The following DNAJC5G variants were observed in gnomAD, a reference collection of about 807,000 sequenced individuals.
The protein encoded by DNAJC5G is DnaJ heat shock protein family (Hsp40) member C5 gamma.
Under a neutral mutation model 19.1 loss-of-function variants are expected in DNAJC5G, and 13 were observed. That is an observed-to-expected ratio of 0.68 (90% CI 0.44 to 1.08). The LOEUF (loss-of-function observed/expected upper bound fraction) is 1.08, where lower values mean the gene tolerates loss of function less well. Ranked by LOEUF, DNAJC5G falls within the 50% of genes least tolerant of loss-of-function variation. The probability of loss-of-function intolerance (pLI) is 0.00; values close to 1 mark genes in which losing one functional copy is unlikely to be tolerated. For synonymous variants in DNAJC5G, 81 were observed against 84.4 expected, an observed-to-expected ratio of 0.96 and a Z score of 0.22; for missense variants, 245 against 230.4, an observed-to-expected ratio of 1.06 and a Z score of -0.41.
chr2:27,278,521 A>G (rs1678218446), intron 5 of DNAJC5G, among the ~76,000 whole-genome samples, 189 bp downstream of exon 5: 1 of 151,480 alleles, frequency 6.6e-6, no homozygotes, highest in Admixed American at 6.6e-5. Context: ...TCTCTACTAA[A>G]AATACAAAAA....
Position 27,278,288 on chromosome 2 carries a change from G to A in DNAJC5G, c.476G>A (p.Gly159Glu). The A allele has an allele frequency of 6.2e-7, 1 of 1,614,166 alleles. No homozygotes were observed. Reference protein sequence around the residue: ...ALKPPPEQDSGRKYQQNVQSQ... With the variant: ...ALKPPPEQDSERKYQQNVQSQ... ...AAACCACCACCTGAGCAGGATAGTG[G>A]GAGAAAATATCAGCAGAATGTCCAG... is the stretch of plus-strand genomic sequence containing the variant. Residue 159 changes from glycine to glutamate, a missense_variant, in exon 5 of 7, where the codon GGG (glycine) becomes GAG (glutamate). Coordinates refer to ENST00000296097, the MANE Select transcript of DNAJC5G (RefSeq NM_173650.3).
chr2:27,280,393 T>G, intron 6 of DNAJC5G, 36 bp from the exon 7 acceptor site: 1 of 654,406 alleles, frequency 1.5e-6, no homozygotes, highest in Non-Finnish European at 2.6e-6. Context: ...AATTATTCCT[T>G]CTGATTAATA....
chr2:27,277,194 G>T (rs563903580), intron 3 of DNAJC5G, among the ~76,000 whole-genome samples: 1 of 151,496 alleles, frequency 6.6e-6, no homozygotes, highest in South Asian at 2.1e-4. Flanking sequence ...TACCTGCCTC[G>T]GCCTCCCAAA....
At chr2:27,277,316 G>A (rs568019519) in intron 3 of DNAJC5G, among the ~76,000 whole-genome samples, 2 of 151,998 alleles carry the variant, frequency 1.3e-5, no homozygotes, top group South Asian at 4.2e-4. Context: ...AAGCTGTAGT[G>A]CAGTGGTGCA....
At position 27,276,227 on chromosome 2, in the gene DNAJC5G, T is replaced by A. The variant is rs1678058777; in HGVS notation, c.-164T>A. ...TGAGCCGAGATCGCGCCATTACACT[T>A]CAGCCTGGGCAACAAGAGCAAAAAA... On this transcript the variant is annotated 5_prime_UTR_variant, in exon 2 of 7. Transcript: ENST00000296097. 6.6e-6 allele frequency: 1 copy of A among 151,058 alleles called. No individual in the cohort carries two copies. The highest frequency in any genetic ancestry group is 1.5e-5 in the Non-Finnish European group (1 of 68,092). The allele number at this position is 151,058 out of a possible 1,614,324, so 9.4% of individuals were successfully genotyped here. A position where few individuals can be genotyped will look rare whatever the true frequency, so the allele number is the denominator to read the frequency against.
chr2:27,278,108 G>GC, intron 4 of DNAJC5G, 80 bp from the exon 5 acceptor site: 1 of 1,609,998 alleles, frequency 6.2e-7, no homozygotes, highest in Non-Finnish European at 8.5e-7. Context: ...TTTTCTGGGT[G>GC]CCAGGAGGAT....
Position 27,280,898 on chromosome 2 carries a change from CTG to C in DNAJC5G, c.*492_*493del, listed in dbSNP as rs1390460870. 9 of 152,378 alleles carry C rather than the reference CTG, an allele frequency of 5.9e-5. No homozygotes were observed. Among genetic ancestry groups the C allele is most frequent in the Admixed American group, 5.9e-4 (9 of 15,266 alleles). The allele number at this position is 152,378 out of a possible 1,614,324, so 9.4% of individuals were successfully genotyped here. A position where few individuals can be genotyped will look rare whatever the true frequency, so the allele number is the denominator to read the frequency against. On this transcript the variant is annotated 3_prime_UTR_variant, in exon 7 of 7. Transcript: ENST00000296097. The stretch of plus-strand genomic sequence containing the variant: ...CCATTAATTCTCCCTTGTTGCAACT[CTG>C]TGTACCAAGAACCCCTAGCATCAGC...
intron 2 of DNAJC5G, 25 bp from the exon 3 acceptor site, chr2:27,276,701 A>G (rs749116882): frequency 1.3e-5 from 21 of 1,606,184 alleles, no homozygotes; most frequent in Non-Finnish European, 1.7e-5. Context: ...AAGTTCTCAC[A>G]GATGCTGCTT....
Position 27,276,796 on chromosome 2 carries a change from A to C in DNAJC5G, c.68A>C (p.Asp23Ala), listed in dbSNP as rs1241405451. The C allele has an allele frequency of 3.1e-6, 5 of 1,613,946 alleles. No homozygotes were observed. The highest frequency in any genetic ancestry group is 1.7e-5 in the Admixed American group (1 of 59,958). ...KSEMSLYAVLDLKKGASPEDF... is the reference protein window; with the variant it reads ...KSEMSLYAVLALKKGASPEDF... ...GAGATGAGCCTCTATGCAGTGCTGGATCTTAAGAAGGGCGCCTCACCTGAA... is the reference window on the plus strand; with the variant it reads ...GAGATGAGCCTCTATGCAGTGCTGGCTCTTAAGAAGGGCGCCTCACCTGAA... Residue 23 changes from aspartate to alanine, a missense_variant, in exon 3 of 7, where the codon GAT (aspartate) becomes GCT (alanine). By Grantham distance (126) the Asp-to-Ala change is moderately radical. Coordinates refer to ENST00000296097, the MANE Select transcript of DNAJC5G (RefSeq NM_173650.3).
At chr2:27,277,624 C>G in intron 3 of DNAJC5G, 130 bp from the exon 4 acceptor site, 1 of 1,253,014 alleles carries the variant, frequency 8.0e-7, no homozygotes, top group South Asian at 1.4e-5. Context: ...CCATCACCCT[C>G]TTCATTATAG....
In DNAJC5G at chr2:27,276,827, C is replaced by G; in HGVS notation, c.99C>G (p.Phe33Leu). ...DLKKGASPED[F>L]KKSYSHSALL... is the part of the protein sequence containing the mutation. ...AGAAGGGCGCCTCACCTGAAGACTT[C>G]AAAAAATCCTACAGGTTCAGACCTC... Residue 33 changes from phenylalanine (F) to leucine (L), a missense_variant, in exon 3 of 7, where the codon TTC becomes TTG. Phe to Leu is a conservative substitution (Grantham distance 22). Transcript: ENST00000296097. 6.2e-7 allele frequency: 1 copy of G among 1,609,612 alleles called. No individual in the cohort carries two copies. The highest frequency in any genetic ancestry group is 8.5e-7 in the Non-Finnish European group (1 of 1,177,604).
rs1183264407 is a variant in DNAJC5G, at chr2:27,278,123, G to A, written c.376-65G>A. The A allele has an allele frequency of 3.7e-6, 6 of 1,611,062 alleles. No individual in the cohort carries two copies. The African/African-American group carries it at 6.7e-5, about 18-fold the overall frequency. On this transcript the variant is annotated intron_variant, in intron 4 of 6. Transcript: ENST00000296097. ...TTTTCTGGGTGCCAGGAGGATTGAGGGAGGGAAGCTTGAGCAGTCATATAG... is the reference window on the plus strand; with the variant it reads ...TTTTCTGGGTGCCAGGAGGATTGAGAGAGGGAAGCTTGAGCAGTCATATAG...
At chr2:27,280,352 T>C in intron 6 of DNAJC5G, 77 bp from the exon 7 acceptor site, 1 of 842,584 alleles carries the variant, frequency 1.2e-6, no homozygotes, top group Non-Finnish European at 1.9e-6. Flanking sequence ...TTTATATCCT[T>C]ACATGTAGGG....
At chr2:27,276,699 A>G (rs1442118854) in intron 2 of DNAJC5G, 27 bp from the exon 3 acceptor site, 1 of 1,605,464 alleles carries the variant, frequency 6.2e-7, no homozygotes, top group South Asian at 1.1e-5. Context: ...AGAAGTTCTC[A>G]CAGATGCTGC....
intron 5 of DNAJC5G, among the ~76,000 whole-genome samples, chr2:27,278,683 CAAAAAA>C (rs1180058010): frequency 2.6e-4 from 7 of 26,736 alleles, no homozygotes; most frequent in Admixed American, 4.5e-4. Context: ...GACTCCATCT[CAAAAAA>C]AAAAAAAAAA....
rs1678309356 is a variant in DNAJC5G, at chr2:27,280,207, G to A, written c.562G>A (p.Asp188Asn). 1 of 1,614,030 alleles carries A rather than the reference G, an allele frequency of 6.2e-7. No homozygotes were observed. The change falls in exon 6 of 7, where the codon GAT becomes AAT. Residue 188 changes from aspartate to asparagine, a missense_variant. Coordinates refer to ENST00000296097, the MANE Select transcript of DNAJC5G (RefSeq NM_173650.3). Reference sequence around the variant, plus strand: ...TAGAAGCGAGGAAAATAGCGAAGATGATTTTTAAGAGATGAAGAAGGATGA... The same window carrying A: ...TAGAAGCGAGGAAAATAGCGAAGATAATTTTTAAGAGATGAAGAAGGATGA... ...DFRSEENSEDDF is the reference protein window; with the variant it reads ...DFRSEENSEDNF
rs138768314 is a variant in DNAJC5G at position 27,280,123 on chromosome 2, CTAAACGTTTGTATATG to C, written c.521-37_521-22del. ...CTCATCAGTACACTACGAAAAGTTA[CTAAACGTTTGTATATG>C]TAAACATATATATAATTCCATCATA... is the stretch of plus-strand genomic sequence containing the variant. On this transcript the variant is annotated intron_variant, in intron 5 of 6. Transcript: ENST00000296097. 4 of 1,591,190 alleles carry C rather than the reference CTAAACGTTTGTATATG, an allele frequency of 2.5e-6. No individual in the cohort carries two copies. In the South Asian group the frequency reaches 3.3e-5, roughly 13 times the overall value.
chr2:27,279,905 A>G (rs1678289073), intron 5 of DNAJC5G, among the ~76,000 whole-genome samples: 1 of 151,602 alleles, frequency 6.6e-6, no homozygotes, highest in Non-Finnish European at 1.5e-5. Context: ...CCTGGGTGAC[A>G]GAGTGAGACC....
Position 27,281,127 on chromosome 2 carries a change from C to T in DNAJC5G, c.*717C>T, listed in dbSNP as rs1359511767. On this transcript the variant is annotated 3_prime_UTR_variant, in exon 7 of 7. Coordinates refer to ENST00000296097, the MANE Select transcript of DNAJC5G (RefSeq NM_173650.3). ...CAGCACAGCATGCATTAGCCTTGGT[C>T]CTGTAGGTTAACTGAAGTTCAAACA... The T allele has an allele frequency of 6.6e-6, 1 of 152,334 alleles. No homozygotes were observed. The highest frequency in any genetic ancestry group is 2.4e-5 in the African/African-American group (1 of 41,438). The allele number at this position is 152,334 out of a possible 1,614,324, so 9.4% of individuals were successfully genotyped here. A position where few individuals can be genotyped will look rare whatever the true frequency, so the allele number is the denominator to read the frequency against.
Sources: gnomAD v4.1 joint callset for allele counts (sites outside exome capture counted in the v4.1 genomes callset) on GRCh38, gnomAD v4.1.1 for gene constraint, MANE v1.5 for transcripts, NCBI Gene and HGNC (gene_info 2026-07-23, HGNC 2026-07-21) for gene names.